Variants in ZNF91 observed in about 807,000 individuals in gnomAD.
ZNF91 encodes the protein zinc finger protein 91, also known as zinc finger protein 91 (HPF7, HTF10).
ZNF91 carries 7 observed loss-of-function variants against 12.6 expected under a neutral mutation model. The ratio of observed to expected loss-of-function variants is 0.55; its 90% CI spans 0.31 to 1.04. ZNF91 has a LOEUF of 1.04. ZNF91 is among the 50% of genes least tolerant of loss of function. ZNF91 has a pLI of 0.05. For synonymous variants in ZNF91, 453 were observed against 462.6 expected (o/e 0.98, Z 0.27); for missense variants, 1,217 against 1,385.4 (o/e 0.88, Z 1.93).
intron 1 of ZNF91, among the ~76,000 whole-genome samples, chr19:23,316,952 A>T (rs1967573297): frequency 6.6e-6 from 1 of 152,162 alleles, no homozygotes; most frequent in South Asian, 2.1e-4. Flanking sequence ...ACAGGTCGAC[A>T]CAGACCACAG....
chr19:23,355,657 T>C (rs1213134801), downstream of ZNF91, among the ~76,000 whole-genome samples: 2 of 151,944 alleles, frequency 1.3e-5, no homozygotes, highest in African/African-American at 2.4e-5. Flanking sequence ...GTCAGCAGAG[T>C]AAACAGACAA....
chr19:23,389,331 G>T (rs1353537087), intron 1 of ZNF91, among the ~76,000 whole-genome samples: 1 of 151,652 alleles, frequency 6.6e-6, no homozygotes, highest in African/African-American at 2.4e-5. Flanking sequence ...AAAACAGCCT[G>T]CTGCTGCAGA....
In ZNF91 at chr19:23,360,748, C is replaced by T; in HGVS notation, c.2231G>A (p.Cys744Tyr). 2 of 1,613,594 alleles carry T rather than the reference C, an allele frequency of 1.2e-6. No homozygotes were observed. The highest frequency in any genetic ancestry group is 1.7e-6 in the Non-Finnish European group (2 of 1,179,748). The change falls in exon 4 of 4, where the codon TGT becomes TAT. Residue 744 changes from cysteine to tyrosine, a missense_variant. Cys to Tyr is a radical substitution (Grantham distance 194). Coordinates refer to ENST00000300619, the MANE Select transcript of ZNF91 (RefSeq NM_003430.4). Reference protein sequence around the residue: ...FIHTGEKPYKCEECGKAFNWS... With the variant: ...FIHTGEKPYKYEECGKAFNWS... ...GTTAAATGCTTTGCCACATTCTTCA[C>T]ACTTGTAAGGTTTCTCTCCAGTATG...
chr19:23,389,665 C>A (rs897563923), intron 1 of ZNF91, among the ~76,000 whole-genome samples: 2 of 152,148 alleles, frequency 1.3e-5, no homozygotes, highest in East Asian at 1.9e-4. Context: ...GAGTGCACAG[C>A]CTCTCATTCC....
chr19:23,318,361 A>T (rs1447464463), intron 1 of ZNF91, among the ~76,000 whole-genome samples: 3 of 151,962 alleles, frequency 2.0e-5, no homozygotes, highest in Non-Finnish European at 2.9e-5. Flanking sequence ...CTCTGCTCAC[A>T]GGGGATATTG....
chr19:23,340,520 T>A (rs73565009), intron 3 of ZNF91, among the ~76,000 whole-genome samples: 119 of 152,048 alleles, frequency 7.8e-4, no homozygotes, highest in African/African-American at 2.7e-3. Context: ...CTGAGTAGCA[T>A]GATTGAGTCA....
rs777693008 is a variant in ZNF91 at position 23,362,182 on chromosome 19, T to C, written c.797A>G (p.Tyr266Cys). Reference sequence around the variant, plus strand: ...TGCTTTGCCACATTCTTCACACTTGTAGATTTTCTCTTTAGCACAGATTAT... The same window carrying C: ...TGCTTTGCCACATTCTTCACACTTGCAGATTTTCTCTTTAGCACAGATTAT... ...HKIICAKEKI[Y>C]KCEECGKAFL... The change falls in exon 4 of 4, where the codon TAC becomes TGC. Residue 266 changes from tyrosine (Y) to cysteine (C), a missense_variant. Around this residue, in one of 2 missense-constraint regions of ZNF91, gnomAD observed 726 missense variants for 895.5 expected, o/e 0.81. Transcript: ENST00000300619. 3.1e-6 allele frequency: 5 copies of C among 1,613,110 alleles called. No individual in the cohort carries two copies. Among genetic ancestry groups the C allele is most frequent in the South Asian group, 2.2e-5 (2 of 90,962 alleles).
chr19:23,370,289 T>G (rs1479087699), intron 3 of ZNF91, among the ~76,000 whole-genome samples: 1 of 151,890 alleles, frequency 6.6e-6, no homozygotes, highest in African/African-American at 2.4e-5. Context: ...TGAAATAAAC[T>G]AGTAACGAAA....
At chr19:23,323,027 G>A (rs535391885) in intron 1 of ZNF91, among the ~76,000 whole-genome samples, 1 of 25,232 alleles carries the variant, frequency 4.0e-5, no homozygotes, top group South Asian at 1.3e-3. Flanking sequence ...TTTTCTCCTC[G>A]TCCTTTCTCC....
intron 1 of ZNF91, among the ~76,000 whole-genome samples, chr19:23,383,931 G>A (rs1317440514): frequency 6.6e-6 from 1 of 151,946 alleles, no homozygotes; most frequent in Non-Finnish European, 1.5e-5. Flanking sequence ...CCAACATGGT[G>A]AAACCCTGTC....
chr19:23,368,824 T>C (rs562003235), intron 3 of ZNF91, among the ~76,000 whole-genome samples: 15 of 151,944 alleles, frequency 9.9e-5, no homozygotes, highest in Admixed American at 2.0e-4. Flanking sequence ...TAAATAACTT[T>C]ATTTAGAAAT....
intron 3 of ZNF91, among the ~76,000 whole-genome samples, chr19:23,344,514 C>G (rs1421342743): frequency 6.6e-6 from 1 of 152,204 alleles, no homozygotes; most frequent in Admixed American, 6.5e-5. Flanking sequence ...GTCTCTTTAG[C>G]ATTCTAGAAG....
rs1968759861 is a variant in ZNF91 at position 23,361,423 on chromosome 19, T to G, written c.1556A>C (p.Lys519Thr). 3 of 1,613,748 alleles carry G rather than the reference T, an allele frequency of 1.9e-6. No homozygotes were observed. The highest frequency in any genetic ancestry group is 4.5e-5 in the East Asian group (2 of 44,844). The part of the protein sequence containing the change: ...KIIHTGEKPY[K>T]FEECGKAFRQ... ...AAAAGCTTTGCCACATTCTTCAAAT[T>G]TGTAGGGTTTCTCTCCAGTATGAAT... Residue 519 changes from lysine (K) to threonine (T), a missense_variant, in exon 4 of 4, where the codon AAA becomes ACA. By Grantham distance (78) the Lys-to-Thr change is moderately conservative. Around this residue, in one of 2 missense-constraint regions of ZNF91, gnomAD observed 726 missense variants for 895.5 expected, o/e 0.81. Coordinates refer to ENST00000300619, the MANE Select transcript of ZNF91 (RefSeq NM_003430.4).
intron 3 of ZNF91, chr19:23,339,521 G>T (rs1045628826): frequency 6.6e-6 from 1 of 152,086 alleles, no homozygotes; most frequent in African/African-American, 2.4e-5. Flanking sequence ...AAAATTATAC[G>T]AACTACCTAC....
In ZNF91 at chr19:23,361,264, T is replaced by G; in HGVS notation, c.1715A>C (p.Lys572Thr). 2 of 1,613,612 alleles carry G rather than the reference T, an allele frequency of 1.2e-6. No homozygotes were observed. Among genetic ancestry groups the G allele is most frequent in the African/African-American group, 1.3e-5 (1 of 75,022 alleles). Residue 572 changes from lysine (K) to threonine (T), a missense_variant, in exon 4 of 4, where the codon AAA becomes ACA. This residue lies in a region of ZNF91 where 726 missense variants were observed against 895.5 expected (regional missense o/e 0.81). Coordinates refer to ENST00000300619, the MANE Select transcript of ZNF91 (RefSeq NM_003430.4). ...TTHKIIHAGK[K>T]LYKCEECGKA... ...GCCACATTCTTCACATTTGTAGAGT[T>G]TCTTTCCAGCATGAATTATTTTATG...
At chr19:23,372,679 G>A (rs1347338186) in intron 3 of ZNF91, among the ~76,000 whole-genome samples, 1 of 152,166 alleles carries the variant, frequency 6.6e-6, no homozygotes, top group Non-Finnish European at 1.5e-5. Flanking sequence ...CCTTCCAGAG[G>A]CCTGGAGGAA....
chr19:23,369,555 C>T (rs1033698423), intron 3 of ZNF91, among the ~76,000 whole-genome samples: 2 of 152,060 alleles, frequency 1.3e-5, no homozygotes, highest in African/African-American at 4.8e-5. Flanking sequence ...GCAGTTTTGT[C>T]GAATAGAAAA....
chr19:23,383,150 G>A (rs963678886), intron 1 of ZNF91, among the ~76,000 whole-genome samples: 1 of 152,098 alleles, frequency 6.6e-6, no homozygotes, highest in African/African-American at 2.4e-5. Flanking sequence ...CTATGAGCAA[G>A]TAGAATTTAT....
At chr19:23,306,205 C>T (rs563507808) in intron 3 of ZNF91, among the ~76,000 whole-genome samples, 6 of 152,312 alleles carry the variant, frequency 3.9e-5, no homozygotes, top group South Asian at 2.1e-4. Flanking sequence ...GTTGAGACTA[C>T]GACTCATCTA....
Sources: gnomAD v4.1 joint callset for allele counts (sites outside exome capture counted in the v4.1 genomes callset) on GRCh38, gnomAD v4.1.1 for gene constraint, gnomAD v4.1.1 regional missense constraint, MANE v1.5 for transcripts, NCBI Gene and HGNC (gene_info 2026-07-23, HGNC 2026-07-21) for gene names.